The following ACTN2 variants were observed in gnomAD, a reference collection of about 807,000 sequenced individuals.
ACTN2 encodes actinin alpha 2.
Under a neutral mutation model 113.8 loss-of-function variants are expected in ACTN2, and 39 were observed. That is an observed-to-expected ratio of 0.34 (90% confidence interval 0.27 to 0.45). The LOEUF (loss-of-function observed/expected upper bound fraction) is 0.45, where lower values mean the gene tolerates loss of function less well. Ranked by LOEUF, ACTN2 falls within the 20% of genes least tolerant of loss-of-function variation. The probability of loss-of-function intolerance (pLI) is 1.00; values close to 1 mark genes in which losing one functional copy is unlikely to be tolerated. For missense variants in ACTN2, 992 were observed against 1,177.9 expected, an observed-to-expected ratio of 0.84 and a Z score of 2.31; for synonymous variants, 429 against 444.1, an observed-to-expected ratio of 0.97 and a Z score of 0.43.
At chr1:236,706,824 G>A (rs900086436) in intron 1 of ACTN2, among the ~76,000 whole-genome samples, 5 of 152,200 alleles carry the variant, frequency 3.3e-5, no homozygotes, top group Non-Finnish European at 7.3e-5. Context: ...ACTTTAACAG[G>A]TACAAGCTCT....
intron 8 of ACTN2, chr1:236,736,417 C>T (rs753195340): frequency 1.5e-5 from 9 of 594,884 alleles, no homozygotes; most frequent in African/African-American, 1.9e-5. Context: ...GGACAGGCTG[C>T]GGGCCCAGAA....
At chr1:236,737,028 C>T in intron 8 of ACTN2, 94 bp from the exon 9 acceptor site, 1 of 1,026,218 alleles carries the variant, frequency 9.7e-7, no homozygotes, top group Non-Finnish European at 1.5e-6. Context: ...AGCACGCCAC[C>T]CTCCTCGTCC....
intron 8 of ACTN2, chr1:236,736,686 T>C: frequency 1.4e-6 from 2 of 1,461,694 alleles, no homozygotes; most frequent in Non-Finnish European, 1.9e-6. Context: ...TGGATTTTCC[T>C]GCCCCAGTTA....
intron 6 of ACTN2, among the ~76,000 whole-genome samples, chr1:236,730,179 G>A (rs1232453490): frequency 6.6e-6 from 1 of 152,144 alleles, no homozygotes; most frequent in Non-Finnish European, 1.5e-5. Context: ...TACTTAATTG[G>A]CACATTTTAT....
chr1:236,707,962 C>T (rs1004522550), intron 1 of ACTN2, among the ~76,000 whole-genome samples: 2 of 151,912 alleles, frequency 1.3e-5, no homozygotes, highest in Admixed American at 6.6e-5. Flanking sequence ...CCACCCGCCT[C>T]GGCCTCTCAA....
chr1:236,738,756 C>A (rs1017367868), intron 9 of ACTN2, among the ~76,000 whole-genome samples: 1 of 152,168 alleles, frequency 6.6e-6, no homozygotes, highest in African/African-American at 2.4e-5. Context: ...CTACCACGTT[C>A]GCTTTTATCA....
At chr1:236,693,017 G>A (rs1401233852) in intron 1 of ACTN2, among the ~76,000 whole-genome samples, 1 of 152,144 alleles carries the variant, frequency 6.6e-6, no homozygotes, top group South Asian at 2.1e-4. Context: ...CCTGGGAACG[G>A]CACTAAGTCT....
intron 2 of ACTN2, among the ~76,000 whole-genome samples, chr1:236,718,542 C>T (rs1478206789): frequency 6.6e-6 from 1 of 152,182 alleles, no homozygotes; most frequent in Admixed American, 6.5e-5. Flanking sequence ...TTTAACTGGC[C>T]ATCCTGACTT....
chr1:236,747,633 A>G, intron 12 of ACTN2, 34 bp from the exon 13 acceptor site: 2 of 1,578,714 alleles, frequency 1.3e-6, no homozygotes, highest in Non-Finnish European at 1.7e-6. Context: ...ATCATCTGGG[A>G]AAGTTAATCT....
At chr1:236,731,156 G>T in intron 6 of ACTN2, 77 bp from the exon 7 acceptor site, 1 of 1,112,016 alleles carries the variant, frequency 9.0e-7, no homozygotes, top group East Asian at 2.4e-5. Flanking sequence ...CCTAAAGTGA[G>T]GTACATAAGA....
chr1:236,699,280 T>A (rs1273581597), intron 1 of ACTN2, among the ~76,000 whole-genome samples: 1 of 152,218 alleles, frequency 6.6e-6, no homozygotes, highest in Admixed American at 6.5e-5. Flanking sequence ...GTGAATTTTT[T>A]AATTTCTAAA....
At position 236,748,403 on chromosome 1, in the gene ACTN2, A is replaced by G. The variant is rs16834328; in HGVS notation, c.1515+628A>G. ...CCAAATGGCTGTGACATATCTGCTTAAAGAAAGAGATGTCAAGAGAAAGAC... is the reference window on the plus strand; with the variant it reads ...CCAAATGGCTGTGACATATCTGCTTGAAGAAAGAGATGTCAAGAGAAAGAC... On this transcript the variant is annotated intron_variant, in intron 13 of 20. Coordinates refer to ENST00000366578, the MANE Select transcript of ACTN2 (RefSeq NM_001103.4). Among the ~76,000 whole-genome samples, 1,510 of 152,258 alleles carry G rather than the reference A, an allele frequency of 9.9e-3. 26 individuals are homozygous for G. Among genetic ancestry groups the G allele is most frequent in the African/African-American group, 0.034 (1,423 of 41,516 alleles).
chr1:236,687,280 G>A (rs911066514), intron 1 of ACTN2, among the ~76,000 whole-genome samples: 1 of 152,190 alleles, frequency 6.6e-6, no homozygotes, highest in South Asian at 2.1e-4. Flanking sequence ...GGGTTCCTTG[G>A]AGAGGGATGT....
At position 236,727,695 on chromosome 1, in the gene ACTN2, G is replaced by A; in HGVS notation, c.554G>A (p.Gly185Glu). 1.2e-6 allele frequency: 2 copies of A among 1,613,994 alleles called. No individual in the cohort carries two copies. Among genetic ancestry groups the A allele is most frequent in the Non-Finnish European group, 1.7e-6 (2 of 1,179,942 alleles). Residue 185 changes from glycine (G) to glutamate (E), a missense_variant, in exon 6 of 21, where the codon GGA (glycine) becomes GAA (glutamate). Physicochemically the swap from Gly to Glu is moderately conservative, Grantham distance 98. Around this residue, in one of 3 missense-constraint regions of ACTN2, gnomAD observed 220 missense variants for 337.5 expected, o/e 0.65. Transcript: ENST00000366578. ...CTGTGAAGCTGGAAAGATGGCCTTG[G>A]ACTCTGTGCCCTCATCCACCGACAC... ...NFHTSWKDGL[G>E]LCALIHRHRP...
intron 1 of ACTN2, among the ~76,000 whole-genome samples, chr1:236,703,797 G>T (rs750787041): frequency 6.6e-6 from 1 of 151,922 alleles, no homozygotes; most frequent in Non-Finnish European, 1.5e-5. Flanking sequence ...TTGTTATGTT[G>T]CTTCACTCTA....
intron 3 of ACTN2, among the ~76,000 whole-genome samples, chr1:236,719,658 C>T (rs901241776): frequency 3.3e-5 from 5 of 152,082 alleles, no homozygotes; most frequent in South Asian, 2.1e-4. Context: ...GGTGTGGTGG[C>T]GCATGCCTGT....
At position 236,719,032 on chromosome 1, in the gene ACTN2, G is replaced by T; in HGVS notation, c.361+19G>T. 1.2e-6 allele frequency: 2 copies of T among 1,613,402 alleles called. No homozygotes were observed. Among genetic ancestry groups the T allele is most frequent in the Non-Finnish European group, 1.7e-6 (2 of 1,179,806 alleles). ...GCTGAAGGTGAGAGGTGTGGTGGGTGGTCCTGTCTGCCACACTGACCTAAT... is the reference window on the plus strand; with the variant it reads ...GCTGAAGGTGAGAGGTGTGGTGGGTTGTCCTGTCTGCCACACTGACCTAAT... On this transcript the variant is annotated intron_variant, in intron 3 of 20. Transcript: ENST00000366578.
chr1:236,749,934 C>T (rs1025785011), intron 14 of ACTN2, among the ~76,000 whole-genome samples: 1 of 152,332 alleles, frequency 6.6e-6, no homozygotes, highest in Admixed American at 6.5e-5. Flanking sequence ...AACTACTTTG[C>T]AAACGTGTGC....
intron 1 of ACTN2, among the ~76,000 whole-genome samples, chr1:236,690,688 T>C (rs1417516393): frequency 6.6e-6 from 1 of 152,194 alleles, no homozygotes; most frequent in African/African-American, 2.4e-5. Context: ...GCGCTTAGAC[T>C]TGTGAGGGAC....
Sources: gnomAD v4.1 joint callset for allele counts (sites outside exome capture counted in the v4.1 genomes callset) on GRCh38, gnomAD v4.1.1 for gene constraint, gnomAD v4.1.1 regional missense constraint, MANE v1.5 for transcripts, NCBI Gene and HGNC (gene_info 2026-07-23, HGNC 2026-07-21) for gene names.